Variants in FANCA observed in about 807,000 individuals in gnomAD.
The protein encoded by FANCA is Fanconi anemia group A protein.
A neutral mutation model predicts 194.3 loss-of-function variants in FANCA; 236 were observed. The ratio of observed to expected loss-of-function variants is 1.21; its 90% CI spans 1.09 to 1.35. The LOEUF (loss-of-function observed/expected upper bound fraction) is 1.35, where lower values mean the gene tolerates loss of function less well. FANCA is among the 40% of genes most tolerant of loss of function. The pLI is 0.00. For missense variants in FANCA, 2,628 were observed against 1,813.9 expected (o/e 1.45, Z -8.15); for synonymous variants, 1,014 against 715.8 (o/e 1.42, Z -6.65).
chr16:89,812,739 T>C (rs1255316360), intron 3 of FANCA, among the ~76,000 whole-genome samples: 1 of 147,104 alleles, frequency 6.8e-6, no homozygotes, highest in Non-Finnish European at 1.5e-5. Flanking sequence ...AATACATAAG[T>C]AAAAACATTT....
intron 20 of FANCA, 133 bp from the exon 21 acceptor site, chr16:89,775,948 C>A: frequency 4.5e-6 from 2 of 446,600 alleles, no homozygotes; most frequent in South Asian, 3.3e-5. Flanking sequence ...ACAGTATGAG[C>A]CTGTTTTTAC....
chr16:89,792,557 G>C lies in FANCA; in HGVS notation c.1007-10C>G. ...TGAACAGCATCAGATGCTGCAGGGG[G>C]AGAAACAGACAAAAACTTCAAGTCA... On this transcript the variant is annotated splice_polypyrimidine_tract_variant and intron_variant, in intron 11 of 42. Coordinates refer to ENST00000389301, the MANE Select transcript of FANCA (RefSeq NM_000135.4). The C allele has an allele frequency of 6.2e-7, 1 of 1,612,426 alleles. No individual in the cohort carries two copies. The highest frequency in any genetic ancestry group is 8.5e-7 in the Non-Finnish European group (1 of 1,179,728).
intron 37 of FANCA, among the ~76,000 whole-genome samples, chr16:89,742,386 AGAGGCTGCAGTGAGCT>A (rs58510068): frequency 0.41 from 62,129 of 151,926 alleles, 14,023 homozygotes; most frequent in East Asian, 0.76. Flanking sequence ...TGAGCCCAGA[AGAGGCTGCAGTGAGCT>A]GACTGCACCA....
intron 27 of FANCA, among the ~76,000 whole-genome samples, chr16:89,766,258 G>A (rs896111250): frequency 1.3e-5 from 2 of 151,628 alleles, no homozygotes; most frequent in African/African-American, 4.8e-5. Flanking sequence ...GCCTCCCAAA[G>A]TGTTGGGATT....
intron 6 of FANCA, among the ~76,000 whole-genome samples, chr16:89,806,739 G>A (rs1048402593): frequency 1.2e-4 from 19 of 152,246 alleles, no homozygotes; most frequent in South Asian, 4.1e-4. Flanking sequence ...AAAGTCTCCC[G>A]TGTCTACTTC....
intron 3 of FANCA, among the ~76,000 whole-genome samples, chr16:89,811,829 C>A (rs1224376697): frequency 2.0e-5 from 3 of 152,140 alleles, no homozygotes; most frequent in East Asian, 3.9e-4. Context: ...CTCTCAGGTT[C>A]AAGCGATTCT....
At chr16:89,792,796 G>C (rs1567637062) in intron 11 of FANCA, 2 of 437,506 alleles carry the variant, frequency 4.6e-6, no homozygotes, top group Non-Finnish European at 8.7e-6. Flanking sequence ...TGGATACAAA[G>C]CAAAAGGGGC....
At position 89,782,891 on chromosome 16, in the gene FANCA, C is replaced by T. The variant is rs374490484; in HGVS notation, c.1594G>A (p.Glu532Lys). Residue 532 changes from glutamate to lysine, a missense_variant, in exon 17 of 43, where the codon GAG becomes AAG. Transcript: ENST00000389301. Reference sequence around the variant, plus strand: ...ATGTCCCCAGCTGATGACAAATCCTCGTAGAGTCCCATGTTTTCTATAGAA... The same window carrying T: ...ATGTCCCCAGCTGATGACAAATCCTTGTAGAGTCCCATGTTTTCTATAGAA... ...KVSIENMGLYEDLSSAGDITE... is the reference protein window; with the variant it reads ...KVSIENMGLYKDLSSAGDITE... 10 of 1,613,980 alleles carry T rather than the reference C, an allele frequency of 6.2e-6. No homozygotes were observed. Among genetic ancestry groups the T allele is most frequent in the East Asian group, 4.5e-5 (2 of 44,898 alleles).
chr16:89,766,217 G>C (rs374575917), intron 27 of FANCA, among the ~76,000 whole-genome samples: 1 of 151,374 alleles, frequency 6.6e-6, no homozygotes, highest in Non-Finnish European at 1.5e-5. Context: ...GGCTGGTCTC[G>C]ATCTCTTGAC....
At chr16:89,764,690 T>C in intron 28 of FANCA, 200 bp downstream of exon 28, 4 of 691,938 alleles carry the variant, frequency 5.8e-6, no homozygotes, top group South Asian at 4.4e-5. Flanking sequence ...CTGCTGTTCT[T>C]GCCTCTGAGG....
Position 89,815,962 on chromosome 16 carries a change from T to C in FANCA, c.104A>G (p.Tyr35Cys), listed in dbSNP as rs1460652102. Residue 35 changes from tyrosine to cysteine, a missense_variant, in exon 2 of 43, where the codon TAT (tyrosine) becomes TGT (cysteine). Physicochemically the swap from Tyr to Cys is radical, Grantham distance 194 (BLOSUM62 -2). Transcript: ENST00000389301. ...LLAGRVKREKYNPERAQKLKE... is the reference protein window; with the variant it reads ...LLAGRVKREKCNPERAQKLKE... Reference sequence around the variant, plus strand: ...TAATTTCTGTGCCCTTTCAGGATTATATTTTTCCCTCTTGACCCTTCCCGC... The same window carrying C: ...TAATTTCTGTGCCCTTTCAGGATTACATTTTTCCCTCTTGACCCTTCCCGC... The C allele has an allele frequency of 2.5e-6, 4 of 1,614,028 alleles. No individual in the cohort carries two copies. Among genetic ancestry groups the C allele is most frequent in the South Asian group, 1.1e-5 (1 of 91,090 alleles).
At chr16:89,767,367 G>A in intron 26 of FANCA, 130 bp from the exon 27 acceptor site, 4 of 710,758 alleles carry the variant, frequency 5.6e-6, no homozygotes, top group Non-Finnish European at 7.4e-6. Flanking sequence ...TTGGTCCTTC[G>A]TTTTTTGGTT....
Position 89,816,644 on chromosome 16 carries a change from G to A in FANCA, c.-29C>T, listed in dbSNP as rs1387930646. On this transcript the variant is annotated 5_prime_UTR_variant, in exon 1 of 43. Transcript: ENST00000389301. ...CTTGGCGCCTACAGCCCCGGCGGCGGCTCCCTGCGCCCGAGCCCGCGCTGC... is the reference window on the plus strand; with the variant it reads ...CTTGGCGCCTACAGCCCCGGCGGCGACTCCCTGCGCCCGAGCCCGCGCTGC... 2 of 1,513,560 alleles carry A rather than the reference G, an allele frequency of 1.3e-6. No individual in the cohort carries two copies. Among genetic ancestry groups the A allele is most frequent in the Admixed American group, 2.0e-5 (1 of 49,496 alleles). 93.8% of individuals were successfully genotyped at this position (1,513,560 alleles called of 1,614,324 possible). A position where few individuals can be genotyped will look rare whatever the true frequency, so the allele number is the denominator to read the frequency against.
chr16:89,791,540 G>T lies in FANCA; in HGVS notation c.1226-4C>A, dbSNP rs934483477. The T allele has an allele frequency of 1.2e-6, 2 of 1,614,026 alleles. No homozygotes were observed. The highest frequency in any genetic ancestry group is 1.7e-6 in the Non-Finnish European group (2 of 1,180,020). ...GCCATCAAACGCGCCACCCAGTCTA[G>T]TTAAGAACCATGACATAGTCACAGC... On this transcript the variant is annotated splice_region_variant and splice_polypyrimidine_tract_variant and intron_variant, in intron 13 of 42. Transcript: ENST00000389301.
At position 89,795,951 on chromosome 16, in the gene FANCA, T is replaced by C. The variant is rs770613111; in HGVS notation, c.961A>G (p.Ser321Gly). The C allele has an allele frequency of 1.2e-6, 2 of 1,614,080 alleles. No individual in the cohort carries two copies. Among genetic ancestry groups the C allele is most frequent in the Non-Finnish European group, 1.7e-6 (2 of 1,179,980 alleles). Residue 321 changes from serine (S) to glycine (G), a missense_variant, in exon 11 of 43, where the codon AGT becomes GGT. Transcript: ENST00000389301. The stretch of plus-strand genomic sequence containing the variant: ...GTGAGTATCTGAGTCAGGGTATGAC[T>C]GAAGAACCTCTTCAGAGGATCTGTG... ...ISTDPLKRFFSHTLTQILTHS... is the reference protein window; with the variant it reads ...ISTDPLKRFFGHTLTQILTHS...
rs750202032 is a variant in FANCA, at chr16:89,782,510, CA to C, written c.1626+348del. Among the ~76,000 whole-genome samples, 1,164 of 122,374 alleles carry C rather than the reference CA, an allele frequency of 9.5e-3. 4 individuals carry two copies. Among genetic ancestry groups the C allele is most frequent in the African/African-American group, 0.025 (813 of 32,688 alleles). The allele number at this position is 122,374 out of a possible 152,430, so 80.3% of individuals were successfully genotyped here. A position where few individuals can be genotyped will look rare whatever the true frequency, so the allele number is the denominator to read the frequency against. On this transcript the variant is annotated intron_variant, in intron 17 of 42. Coordinates refer to ENST00000389301, the MANE Select transcript of FANCA (RefSeq NM_000135.4). ...TGGTGACAGACCAAGACTGCATCTC[CA>C]AAAAAAAAAAAAAAGTTAACACTTT...
At chr16:89,770,676 G>T in intron 23 of FANCA, 42 bp from the exon 24 acceptor site, 1 of 1,532,414 alleles carries the variant, frequency 6.5e-7, no homozygotes, top group Non-Finnish European at 8.9e-7. Context: ...TCCTGGGGAC[G>T]GGAGCAGCAG....
rs1170742191 is a variant in FANCA at position 89,816,425 on chromosome 16, C to T, written c.79+112G>A. ...CCCACCCCGCACAGCCCCCCGGGCG[C>T]GGCGTCCGGGGATCCGACCGGCGGA... On this transcript the variant is annotated intron_variant, in intron 1 of 42. Transcript: ENST00000389301. The T allele has an allele frequency of 1.0e-5, 10 of 987,494 alleles. No homozygotes were observed. In the African/African-American group the frequency reaches 1.0e-4, roughly 10 times the overall value. 61.2% of individuals were successfully genotyped at this position (987,494 alleles called of 1,614,324 possible).
chr16:89,776,167 T>TC (rs2039497696), intron 20 of FANCA, among the ~76,000 whole-genome samples: 2 of 95,182 alleles, frequency 2.1e-5, no homozygotes, highest in South Asian at 3.7e-4. Context: ...TTCTTTTTTT[T>TC]TTTTTTTTTT....
Sources: gnomAD v4.1 joint callset for allele counts (sites outside exome capture counted in the v4.1 genomes callset) on GRCh38, gnomAD v4.1.1 for gene constraint, MANE v1.5 for transcripts, NCBI Gene and HGNC (gene_info 2026-07-23, HGNC 2026-07-21) for gene names.